Variants in SHANK2 observed in about 807,000 individuals in gnomAD.
The protein encoded by SHANK2 is SH3 and multiple ankyrin repeat domains protein 2.
Under a neutral mutation model 133.7 loss-of-function variants are expected in SHANK2, and 43 were observed. The ratio of observed to expected loss-of-function variants is 0.32; its 90% CI spans 0.25 to 0.41. The LOEUF (loss-of-function observed/expected upper bound fraction) is 0.41, where lower values mean the gene tolerates loss of function less well. SHANK2 is among the 10% of genes least tolerant of loss of function. The pLI is 1.00. For synonymous variants in SHANK2, 1,017 were observed against 952.8 expected, an observed-to-expected ratio of 1.07 and a Z score of -1.24; for missense variants, 1,994 against 2,235.8, an observed-to-expected ratio of 0.89 and a Z score of 2.18.
chr11:70,606,602 G>T (rs374578509), intron 17 of SHANK2, among the ~76,000 whole-genome samples: 3 of 151,588 alleles, frequency 2.0e-5, no homozygotes, highest in Non-Finnish European at 4.4e-5. Context: ...GGTCCTTTGT[G>T]GGGGGCCAAG....
intron 14 of SHANK2, among the ~76,000 whole-genome samples, chr11:70,792,338 A>G (rs1403137155): frequency 6.7e-6 from 1 of 149,670 alleles, no homozygotes; most frequent in African/African-American, 2.5e-5. Flanking sequence ...CAACCAACCA[A>G]CCAACCAGCA....
At chr11:70,566,410 C>T (rs1591588477) in intron 17 of SHANK2, 2 of 152,062 alleles carry the variant, frequency 1.3e-5, no homozygotes, top group African/African-American at 4.8e-5. Context: ...AAGAGTTGAC[C>T]CCAAATGGGA....
At chr11:70,811,557 A>C (rs1393603281) in intron 12 of SHANK2, among the ~76,000 whole-genome samples, 1 of 151,380 alleles carries the variant, frequency 6.6e-6, no homozygotes, top group Non-Finnish European at 1.5e-5. Flanking sequence ...ACTATCCATC[A>C]TCGATCCATC....
intron 3 of SHANK2, among the ~76,000 whole-genome samples, chr11:71,130,673 C>A (rs1952284382): frequency 6.6e-6 from 1 of 152,194 alleles, no homozygotes; most frequent in South Asian, 2.1e-4. Flanking sequence ...CATCTGCTAA[C>A]TCACCTTCCT....
chr11:71,152,290 T>C (rs1349910656), intron 2 of SHANK2, among the ~76,000 whole-genome samples: 3 of 152,168 alleles, frequency 2.0e-5, no homozygotes, highest in Admixed American at 6.5e-5. Context: ...TTTTTTGTAT[T>C]TTTAGTAGAG....
chr11:71,205,841 GC>G (rs1344654804), intron 2 of SHANK2, among the ~76,000 whole-genome samples: 1 of 152,158 alleles, frequency 6.6e-6, no homozygotes, highest in Non-Finnish European at 1.5e-5. Context: ...GTCTCTTGGG[GC>G]CATGTCAAGA....
At chr11:71,179,054 A>G (rs919321589) in intron 2 of SHANK2, among the ~76,000 whole-genome samples, 3 of 152,228 alleles carry the variant, frequency 2.0e-5, no homozygotes, top group African/African-American at 4.8e-5. Flanking sequence ...TTGGAGGATT[A>G]TATTTTTTTC....
intron 16 of SHANK2, 46 bp downstream of exon 16, chr11:70,661,535 ACACACACACACACAC>A: frequency 8.3e-7 from 1 of 1,207,458 alleles, no homozygotes; most frequent in African/African-American, 1.5e-5. Flanking sequence ...ACACACACAC[ACACACACACACACAC>A]ACACAAACAT....
intron 17 of SHANK2, among the ~76,000 whole-genome samples, chr11:70,636,724 CATG>C (rs1470145422): frequency 8.1e-5 from 12 of 148,102 alleles, no homozygotes; most frequent in South Asian, 4.3e-4. Context: ...TGCGAGGATG[CATG>C]ATGTGTGAAT....
In SHANK2 at chr11:70,587,457, C is replaced by T. The variant is rs559980987; in HGVS notation, c.2061+72371G>A. ...AACGAAATTGGTCTGGGGCATTCTA[C>T]GCAGCCATCAAAGGCATGGATGACA... On this transcript the variant is annotated intron_variant, in intron 17 of 25. Transcript: ENST00000601538. 1.1e-4 allele frequency among the ~76,000 whole-genome samples: 16 copies of T among 152,100 alleles called. No homozygotes were observed. In the South Asian group the frequency reaches 2.5e-3, roughly 24 times the overall value.
At chr11:70,543,032 T>G (rs1360399661) in intron 17 of SHANK2, among the ~76,000 whole-genome samples, 3 of 151,968 alleles carry the variant, frequency 2.0e-5, no homozygotes, top group Non-Finnish European at 4.4e-5. Context: ...ATGCGCTGGG[T>G]GAGGAGGCAG....
At chr11:70,904,233 G>A (rs183669902) in intron 10 of SHANK2, among the ~76,000 whole-genome samples, 1 of 152,182 alleles carries the variant, frequency 6.6e-6, no homozygotes, top group Admixed American at 6.5e-5. Context: ...TCATGCCAAA[G>A]GACAGTGCTC....
Position 70,882,685 on chromosome 11 carries a change from A to T in SHANK2, c.1174+13816T>A, listed in dbSNP as rs1332617240. ...AGGGGTGAGGGGTGGCGGTGCAGGG[A>T]GAGGACGGTGATCCCCACGGCTTTG... On this transcript the variant is annotated intron_variant, in intron 11 of 25. Transcript: ENST00000601538. The surrounding 1 kb of genome is among the most constrained non-coding windows in gnomAD (Gnocchi z 4.2). Among the ~76,000 whole-genome samples, 1 of 152,156 alleles carries T rather than the reference A, an allele frequency of 6.6e-6. No individual in the cohort carries two copies. The highest frequency in any genetic ancestry group is 1.5e-5 in the Non-Finnish European group (1 of 68,026).
rs150685030 is a variant in SHANK2, at chr11:70,841,139, C to T, written c.1175-20457G>A. 8.5e-3 allele frequency among the ~76,000 whole-genome samples: 1,288 copies of T among 152,192 alleles called. 19 individuals carry two copies. The highest frequency in any genetic ancestry group is 0.028 in the African/African-American group (1,155 of 41,526). Reference sequence around the variant, plus strand: ...AAACAAAATTAGCCAGGCATGGTAGCGGGCACCTATAATCCCAGCTGTTCA... The same window carrying T: ...AAACAAAATTAGCCAGGCATGGTAGTGGGCACCTATAATCCCAGCTGTTCA... On this transcript the variant is annotated intron_variant, in intron 11 of 25. Transcript: ENST00000601538.
intron 17 of SHANK2, among the ~76,000 whole-genome samples, chr11:70,655,967 C>T (rs538251037): frequency 3.3e-5 from 5 of 152,244 alleles, no homozygotes; most frequent in South Asian, 4.1e-4. Flanking sequence ...AGGTGACTGA[C>T]GCCCAGCCAG....
intron 10 of SHANK2, among the ~76,000 whole-genome samples, chr11:70,918,232 G>A (rs1323820607): frequency 7.9e-5 from 12 of 152,278 alleles, no homozygotes; most frequent in East Asian, 3.9e-4. Flanking sequence ...CATGCGGGGC[G>A]GGGGCCTAGG....
At chr11:70,645,690 A>C (rs2061250439) in intron 17 of SHANK2, among the ~76,000 whole-genome samples, 1 of 152,126 alleles carries the variant, frequency 6.6e-6, no homozygotes, top group Non-Finnish European at 1.5e-5. Context: ...GAGTCCCCTC[A>C]AATTCAGTGG....
At chr11:70,859,243 A>G (rs1031075105) in intron 11 of SHANK2, among the ~76,000 whole-genome samples, 2 of 152,128 alleles carry the variant, frequency 1.3e-5, no homozygotes, top group Admixed American at 1.3e-4. Flanking sequence ...AGATGTGTAG[A>G]TAAGTAGATG....
intron 17 of SHANK2, among the ~76,000 whole-genome samples, chr11:70,597,456 G>A (rs139931490): frequency 8.5e-5 from 13 of 152,216 alleles, no homozygotes; most frequent in African/African-American, 2.4e-4. Flanking sequence ...AGCTGGCGGC[G>A]GTAAGATAAG....
Sources: allele counts gnomAD v4.1 joint callset (sites outside exome capture counted in the v4.1 genomes callset), GRCh38; gene constraint gnomAD v4.1.1; non-coding constraint Gnocchi (gnomAD v3.1); transcripts MANE v1.5; gene names NCBI Gene and HGNC (gene_info 2026-07-23, HGNC 2026-07-21).